RCOR1: variants seen among roughly 807,000 people sequenced by gnomAD.
RCOR1 encodes the protein REST corepressor.
A neutral mutation model predicts 64.0 loss-of-function variants in RCOR1; 12 were observed. The ratio of observed to expected loss-of-function variants is 0.19; its 90% CI spans 0.12 to 0.30. The LOEUF (loss-of-function observed/expected upper bound fraction) is 0.30, where lower values mean the gene tolerates loss of function less well. RCOR1 is among the 10% of genes least tolerant of loss of function. The pLI is 1.00. For synonymous variants in RCOR1, 279 were observed against 227.2 expected, an observed-to-expected ratio of 1.23 and a Z score of -2.05; for missense variants, 502 against 621.2, an observed-to-expected ratio of 0.81 and a Z score of 2.04.
At chr14:102,682,002 TC>T in intron 3 of RCOR1, 24 bp downstream of exon 3, 2 of 1,551,222 alleles carry the variant, frequency 1.3e-6, no homozygotes, top group Non-Finnish European at 1.8e-6. Flanking sequence ...CACTTTATTT[TC>T]CACCTTTCTT....
At chr14:102,700,755 A>G (rs923841220) in intron 3 of RCOR1, among the ~76,000 whole-genome samples, 5 of 152,262 alleles carry the variant, frequency 3.3e-5, no homozygotes, top group Non-Finnish European at 5.9e-5. Flanking sequence ...TGCAGGATCA[A>G]TAACTATTAT....
chr14:102,695,554 G>A (rs183322244), intron 3 of RCOR1: 1 of 152,332 alleles, frequency 6.6e-6, no homozygotes, highest in East Asian at 1.9e-4. Flanking sequence ...GTTTGTTTTT[G>A]TTTTTGTTTT....
At position 102,729,095 on chromosome 14, in the gene RCOR1, G is replaced by A. The variant is rs890390575; in HGVS notation, c.*2589G>A. ...CTTCTTAAAAATTATCAATGTGAAT[G>A]TCATAATTATATATATTTTTGTGGA... On this transcript the variant is annotated 3_prime_UTR_variant, in exon 12 of 12. Transcript: ENST00000262241. 6.6e-6 allele frequency: 1 copy of A among 152,516 alleles called. No homozygotes were observed. The highest frequency in any genetic ancestry group is 1.5e-5 in the Non-Finnish European group (1 of 68,028). The allele number at this position is 152,516 out of a possible 1,614,324, so 9.4% of individuals were successfully genotyped here.
rs1896323126 is a variant in RCOR1 at position 102,729,130 on chromosome 14, C to G, written c.*2624C>G. On this transcript the variant is annotated 3_prime_UTR_variant, in exon 12 of 12. Coordinates refer to ENST00000262241, the MANE Select transcript of RCOR1 (RefSeq NM_015156.4). The stretch of plus-strand genomic sequence containing the variant: ...TATATATTTTTGTGGAAAATTTTCT[C>G]CTAAGTATAAGTTATTGTGCAAAAT... The G allele has an allele frequency of 6.6e-6, 1 of 152,474 alleles. No homozygotes were observed. Among genetic ancestry groups the G allele is most frequent in the African/African-American group, 2.4e-5 (1 of 41,404 alleles). The allele number at this position is 152,474 out of a possible 1,614,324, so 9.4% of individuals were successfully genotyped here. A position where few individuals can be genotyped will look rare whatever the true frequency, so the allele number is the denominator to read the frequency against.
rs1299104097 is a variant in RCOR1 at position 102,728,570 on chromosome 14, T to C, written c.*2064T>C. 4.6e-5 allele frequency: 7 copies of C among 152,186 alleles called. No homozygotes were observed. Among genetic ancestry groups the C allele is most frequent in the Admixed American group, 4.6e-4 (7 of 15,278 alleles). The allele number at this position is 152,186 out of a possible 1,614,324, so 9.4% of individuals were successfully genotyped here. On this transcript the variant is annotated 3_prime_UTR_variant, in exon 12 of 12. Transcript: ENST00000262241. ...TGCAGTGCGTTTCTCACCCTGCCAA[T>C]AGGTCTGTCTGTATCTCTGTTAAGG...
intron 8 of RCOR1, among the ~76,000 whole-genome samples, chr14:102,718,044 C>G (rs1200197862): frequency 1.3e-5 from 2 of 152,194 alleles, no homozygotes; most frequent in African/African-American, 4.8e-5. Flanking sequence ...GCAAACTCGA[C>G]TAACAACAGC....
At chr14:102,618,276 T>C (rs1334059397) in intron 2 of RCOR1, among the ~76,000 whole-genome samples, 1 of 151,998 alleles carries the variant, frequency 6.6e-6, no homozygotes, top group East Asian at 1.9e-4. Flanking sequence ...TGTGCCTGTC[T>C]GGGATGTTTG....
In RCOR1 at chr14:102,592,694, G is replaced by A. The variant is rs929046357; in HGVS notation, c.-193G>A. 8.1e-7 allele frequency: 1 copy of A among 1,227,694 alleles called. No homozygotes were observed. The highest frequency in any genetic ancestry group is 1.0e-6 in the Non-Finnish European group (1 of 985,420). 76.1% of individuals were successfully genotyped at this position (1,227,694 alleles called of 1,614,324 possible). On this transcript the variant is annotated 5_prime_UTR_variant, in exon 1 of 12. Transcript: ENST00000262241. ...GGCGATGAGAGCGAAAGTTGCGCTCGGCTCGTCGCTGGGGGCTTGAAGCGG... is the reference window on the plus strand; with the variant it reads ...GGCGATGAGAGCGAAAGTTGCGCTCAGCTCGTCGCTGGGGGCTTGAAGCGG...
At chr14:102,692,909 G>A (rs938608708) in intron 3 of RCOR1, among the ~76,000 whole-genome samples, 2 of 151,742 alleles carry the variant, frequency 1.3e-5, no homozygotes, top group African/African-American at 2.4e-5. Flanking sequence ...GGAATTACAG[G>A]CATGTACCAC....
chr14:102,696,094 CATT>C (rs1895643358), intron 3 of RCOR1, among the ~76,000 whole-genome samples: 1 of 152,060 alleles, frequency 6.6e-6, no homozygotes, highest in Admixed American at 6.6e-5. Flanking sequence ...CTTCATTGAT[CATT>C]ATTATCATCT....
intron 8 of RCOR1, among the ~76,000 whole-genome samples, chr14:102,714,910 G>A (rs1896038990): frequency 6.6e-6 from 1 of 151,976 alleles, no homozygotes; most frequent in African/African-American, 2.4e-5. Flanking sequence ...CTCACAATAT[G>A]AACATACCCT....
At chr14:102,712,004 A>AT (rs978550601) in intron 7 of RCOR1, among the ~76,000 whole-genome samples, 47 of 149,022 alleles carry the variant, frequency 3.2e-4, no homozygotes, top group South Asian at 1.1e-3. Flanking sequence ...CTCTACCTTG[A>AT]TTTTTTTTTT....
intron 10 of RCOR1, chr14:102,721,615 G>C (rs747167892): frequency 8.9e-6 from 3 of 336,388 alleles, no homozygotes; most frequent in Non-Finnish European, 1.6e-5. Context: ...AGATTTTAGG[G>C]AAAAGTTACG....
intron 2 of RCOR1, chr14:102,662,518 G>T: frequency 1.9e-6 from 1 of 512,924 alleles, no homozygotes; most frequent in Non-Finnish European, 3.8e-6. Flanking sequence ...TCCTGGGGGC[G>T]CTCTTCTGAG....
intron 4 of RCOR1, among the ~76,000 whole-genome samples, 191 bp downstream of exon 4, chr14:102,701,521 T>C (rs1347490565): frequency 1.3e-5 from 2 of 152,216 alleles, no homozygotes; most frequent in Non-Finnish European, 2.9e-5. Context: ...ACCCTTTGAT[T>C]TGAAAGGCAT....
chr14:102,624,699 G>A (rs1016025967), intron 2 of RCOR1, among the ~76,000 whole-genome samples: 2 of 151,484 alleles, frequency 1.3e-5, no homozygotes, highest in Non-Finnish European at 2.9e-5. Flanking sequence ...CTAGGAGGTC[G>A]AGGTTCCAGT....
intron 2 of RCOR1, among the ~76,000 whole-genome samples, chr14:102,611,380 T>G (rs1165249775): frequency 6.6e-6 from 1 of 152,198 alleles, no homozygotes; most frequent in Non-Finnish European, 1.5e-5. Context: ...CAGCCTATAG[T>G]TCTTTTAATG....
intron 8 of RCOR1, among the ~76,000 whole-genome samples, chr14:102,718,579 G>A (rs1896113445): frequency 6.6e-6 from 1 of 152,098 alleles, no homozygotes; most frequent in Non-Finnish European, 1.5e-5. Flanking sequence ...GTATGACTGA[G>A]GGTTGGGTGG....
Position 102,726,518 on chromosome 14 carries a change from C to G in RCOR1, c.*12C>G, listed in dbSNP as rs1328303118. On this transcript the variant is annotated 3_prime_UTR_variant, in exon 12 of 12. Coordinates refer to ENST00000262241, the MANE Select transcript of RCOR1 (RefSeq NM_015156.4). ...CATCTGCCTCCTGAGAAACTGGTGGCTTTGAACACTTGGTGTGGACTACTG... is the reference window on the plus strand; with the variant it reads ...CATCTGCCTCCTGAGAAACTGGTGGGTTTGAACACTTGGTGTGGACTACTG... 6.2e-7 allele frequency: 1 copy of G among 1,602,606 alleles called. No individual in the cohort carries two copies.
Sources: gnomAD v4.1 joint callset for allele counts (sites outside exome capture counted in the v4.1 genomes callset) on GRCh38, gnomAD v4.1.1 for gene constraint, MANE v1.5 for transcripts, NCBI Gene and HGNC (gene_info 2026-07-23, HGNC 2026-07-21) for gene names.